NALF1: variants seen among roughly 807,000 people sequenced by gnomAD.
NALF1 encodes NALCN channel auxiliary factor 1.
In NALF1, 3 loss-of-function variants were observed where a neutral mutation model predicts 48.4. That is an observed-to-expected ratio of 0.06 (90% confidence interval 0.03 to 0.16). The LOEUF is 0.16. NALF1 is among the 10% of genes least tolerant of loss of function. NALF1 has a pLI of 1.00. For missense variants in NALF1, 526 were observed against 571.5 expected (o/e 0.92, Z 0.81); for synonymous variants, 262 against 245.7 (o/e 1.07, Z -0.62).
intron 1 of NALF1, among the ~76,000 whole-genome samples, chr13:107,411,841 G>A (rs1003728207): frequency 2.6e-4 from 39 of 152,184 alleles, no homozygotes; most frequent in African/African-American, 8.2e-4. Context: ...GGAAAAGAAG[G>A]GGCTATTCCA....
intron 1 of NALF1, among the ~76,000 whole-genome samples, chr13:107,283,186 A>G (rs375793838): frequency 6.6e-6 from 1 of 152,188 alleles, no homozygotes; most frequent in South Asian, 2.1e-4. Flanking sequence ...TGTATTAACT[A>G]ACTCATATAA....
chr13:107,792,454 A>C (rs140622101), intron 1 of NALF1, among the ~76,000 whole-genome samples: 1 of 152,234 alleles, frequency 6.6e-6, no homozygotes, highest in African/African-American at 2.4e-5. Flanking sequence ...TAAAACACAA[A>C]TTTGTACAAA....
At chr13:107,583,575 T>C (rs1395745546) in intron 1 of NALF1, among the ~76,000 whole-genome samples, 2 of 152,192 alleles carry the variant, frequency 1.3e-5, no homozygotes, top group African/African-American at 4.8e-5. Flanking sequence ...TGTGAACTTT[T>C]AGAAATAAAC....
At chr13:107,194,199 T>C (rs913381577) in intron 2 of NALF1, among the ~76,000 whole-genome samples, 3 of 152,214 alleles carry the variant, frequency 2.0e-5, no homozygotes, top group Non-Finnish European at 4.4e-5. Flanking sequence ...CTGACCCACA[T>C]GCATACTTTC....
At chr13:107,308,240 C>T (rs1208980877) in intron 1 of NALF1, among the ~76,000 whole-genome samples, 63 of 128,844 alleles carry the variant, frequency 4.9e-4, no homozygotes, top group African/African-American at 1.6e-3. Flanking sequence ...CTCACTCTGT[C>T]GCCCAGGCTG....
chr13:107,477,857 G>A (rs1885196472), intron 1 of NALF1, among the ~76,000 whole-genome samples: 1 of 151,944 alleles, frequency 6.6e-6, no homozygotes, highest in Non-Finnish European at 1.5e-5. Context: ...GGACCTACAA[G>A]CCATTCCTTC....
chr13:107,856,610 C>T (rs933538479), intron 1 of NALF1, among the ~76,000 whole-genome samples: 1 of 151,960 alleles, frequency 6.6e-6, no homozygotes, highest in East Asian at 1.9e-4. Context: ...GCAAGCTTTC[C>T]TTTTTAAAAT....
intron 1 of NALF1, among the ~76,000 whole-genome samples, chr13:107,535,735 T>C (rs557260265): frequency 2.6e-5 from 4 of 152,298 alleles, no homozygotes; most frequent in African/African-American, 9.6e-5. Context: ...ACTTTAAAGT[T>C]TATATGGAAC....
At chr13:107,384,089 A>C (rs1283111479) in intron 1 of NALF1, among the ~76,000 whole-genome samples, 1 of 151,954 alleles carries the variant, frequency 6.6e-6, no homozygotes, top group African/African-American at 2.4e-5. Context: ...TCTCTATAAA[A>C]GTTTCTTTAA....
chr13:107,652,609 C>T (rs926407779), intron 1 of NALF1, among the ~76,000 whole-genome samples: 2 of 152,066 alleles, frequency 1.3e-5, no homozygotes, highest in Non-Finnish European at 1.5e-5. Context: ...CCAATCCCAT[C>T]CTAATATCCC....
rs867107617 is a variant in NALF1, at chr13:107,202,568, T to C, written c.1087+8016A>G. 1.8e-4 allele frequency among the ~76,000 whole-genome samples: 27 copies of C among 152,124 alleles called. 1 individual carries two copies. The South Asian group carries it at 2.1e-3, about 12-fold the overall frequency. ...ATCTCACTAACCAATCTGACAAAAT[T>C]AGCCATCTAAGCAAAAAATTTTCCT... is the stretch of plus-strand genomic sequence containing the variant. On this transcript the variant is annotated intron_variant, in intron 2 of 2. Coordinates refer to ENST00000375915, the MANE Select transcript of NALF1 (RefSeq NM_001080396.3).
chr13:107,675,695 G>C (rs1881100971), intron 1 of NALF1, among the ~76,000 whole-genome samples: 3 of 152,092 alleles, frequency 2.0e-5, no homozygotes, highest in Admixed American at 2.0e-4. Context: ...AGCTACTGCT[G>C]CCTGGTTCTA....
At chr13:107,529,711 T>C (rs1462851674) in intron 1 of NALF1, among the ~76,000 whole-genome samples, 1 of 152,116 alleles carries the variant, frequency 6.6e-6, no homozygotes, top group Non-Finnish European at 1.5e-5. Context: ...GATGAATTAA[T>C]TACATCTTTT....
intron 1 of NALF1, among the ~76,000 whole-genome samples, chr13:107,802,614 C>T (rs1878653817): frequency 6.6e-6 from 1 of 151,854 alleles, no homozygotes; most frequent in Admixed American, 6.6e-5. Context: ...ACATAGTTCC[C>T]AGAATGGAAA....
At chr13:107,379,341 G>A (rs527264902) in intron 1 of NALF1, among the ~76,000 whole-genome samples, 48 of 152,222 alleles carry the variant, frequency 3.2e-4, no homozygotes, top group African/African-American at 1.1e-3. Context: ...AACCAAGCCT[G>A]GGACAATTTT....
At chr13:107,553,853 G>A (rs1248490589) in intron 1 of NALF1, among the ~76,000 whole-genome samples, 1 of 152,132 alleles carries the variant, frequency 6.6e-6, no homozygotes, top group African/African-American at 2.4e-5. Flanking sequence ...TTGCCTCTCA[G>A]GGTTCATGTT....
In NALF1 at chr13:107,668,854, C is replaced by T. The variant is rs561231699; in HGVS notation, c.915+196828G>A. Among the ~76,000 whole-genome samples the T allele has an allele frequency of 4.6e-5, 7 of 152,014 alleles. No homozygotes were observed. The South Asian group carries it at 1.5e-3, about 32-fold the overall frequency. Reference sequence around the variant, plus strand: ...AGCATGAAATTTAATGAGATCAGACCTAGGGGACGCTGTGAGCTTCATAGA... The same window carrying T: ...AGCATGAAATTTAATGAGATCAGACTTAGGGGACGCTGTGAGCTTCATAGA... On this transcript the variant is annotated intron_variant, in intron 1 of 2. Coordinates refer to ENST00000375915, the MANE Select transcript of NALF1 (RefSeq NM_001080396.3).
chr13:107,770,690 C>T (rs1041429655), intron 1 of NALF1, among the ~76,000 whole-genome samples: 9 of 152,122 alleles, frequency 5.9e-5, no homozygotes, highest in Non-Finnish European at 1.3e-4. Context: ...TTGAGAGCTG[C>T]CTATTGTAAT....
chr13:107,639,072 A>G (rs1474566763), intron 1 of NALF1, among the ~76,000 whole-genome samples: 1 of 152,228 alleles, frequency 6.6e-6, no homozygotes, highest in Admixed American at 6.5e-5. Flanking sequence ...CCTCAATAAA[A>G]GCAAATTGTT....
Sources: gnomAD v4.1 joint callset for allele counts (sites outside exome capture counted in the v4.1 genomes callset) on GRCh38, gnomAD v4.1.1 for gene constraint, MANE v1.5 for transcripts, NCBI Gene and HGNC (gene_info 2026-07-23, HGNC 2026-07-21) for gene names.